ANKS1B: variants seen among roughly 807,000 people sequenced by gnomAD.
The protein encoded by ANKS1B is ankyrin repeat and sterile alpha motif domain-containing protein 1B.
ANKS1B carries 36 observed loss-of-function variants against 148.3 expected under a neutral mutation model. That is an observed-to-expected ratio of 0.24 (90% CI 0.19 to 0.32). The LOEUF is 0.32. ANKS1B is among the 10% of genes least tolerant of loss of function. The pLI, the probability that ANKS1B is intolerant of heterozygous loss-of-function variation, is 1.00. For missense variants in ANKS1B, 1,157 were observed against 1,542.6 expected, an observed-to-expected ratio of 0.75 and a Z score of 4.19; for synonymous variants, 542 against 560.8, an observed-to-expected ratio of 0.97 and a Z score of 0.47.
chr12:99,388,146 A>T (rs1009526239), intron 12 of ANKS1B, among the ~76,000 whole-genome samples: 5 of 152,178 alleles, frequency 3.3e-5, no homozygotes, highest in African/African-American at 1.2e-4. Context: ...AAATAAAAAT[A>T]AAAAAAGAAC....
chr12:99,259,909 T>C (rs1031187957), intron 12 of ANKS1B, among the ~76,000 whole-genome samples: 2 of 152,336 alleles, frequency 1.3e-5, no homozygotes, highest in East Asian at 1.9e-4. Flanking sequence ...GCTAGGAGTA[T>C]TTCCCATAGC....
chr12:99,557,188 G>T (rs949260503), intron 9 of ANKS1B, among the ~76,000 whole-genome samples: 2 of 152,070 alleles, frequency 1.3e-5, no homozygotes, highest in African/African-American at 4.8e-5. Context: ...GGGTTTCTCT[G>T]CATTTCCTGA....
chr12:99,637,802 T>TAATATATATAC (rs1347603841), intron 9 of ANKS1B, among the ~76,000 whole-genome samples: 3 of 146,962 alleles, frequency 2.0e-5, no homozygotes, highest in African/African-American at 7.4e-5. Context: ...TATATATATA[T>TAATATATATAC]AATATATATA....
chr12:99,883,341 A>G (rs1377711400), intron 1 of ANKS1B, among the ~76,000 whole-genome samples: 4 of 152,106 alleles, frequency 2.6e-5, no homozygotes, highest in African/African-American at 9.7e-5. Context: ...AAGCAAAAAA[A>G]CAAACAAACA....
chr12:98,949,391 G>A (rs536051801), intron 17 of ANKS1B, among the ~76,000 whole-genome samples: 11 of 152,206 alleles, frequency 7.2e-5, no homozygotes, highest in Admixed American at 5.9e-4. Context: ...ACCTAGTTAA[G>A]CAATGTTGCC....
chr12:99,038,135 A>G (rs1394556202), intron 17 of ANKS1B, among the ~76,000 whole-genome samples: 1 of 152,162 alleles, frequency 6.6e-6, no homozygotes, highest in Non-Finnish European at 1.5e-5. Flanking sequence ...TATCAGTAGA[A>G]TCATTTGTTT....
intron 25 of ANKS1B, among the ~76,000 whole-genome samples, chr12:98,772,150 G>A (rs992307891): frequency 6.6e-6 from 1 of 152,184 alleles, no homozygotes; most frequent in African/African-American, 2.4e-5. Flanking sequence ...TGTACTTGGT[G>A]TTATGAGTGG....
intron 17 of ANKS1B, among the ~76,000 whole-genome samples, chr12:98,905,267 A>G (rs768440215): frequency 1.2e-4 from 19 of 152,212 alleles, no homozygotes; most frequent in Admixed American, 7.2e-4. Context: ...GCAAGCTACT[A>G]TGAAGCTGGA....
intron 17 of ANKS1B, among the ~76,000 whole-genome samples, chr12:98,909,268 T>G (rs2099783548): frequency 6.6e-6 from 1 of 152,212 alleles, no homozygotes; most frequent in Non-Finnish European, 1.5e-5. Flanking sequence ...AACACTCAAA[T>G]GTTGAGGGCT....
At chr12:99,805,795 CAT>C (rs1004099552) in intron 4 of ANKS1B, among the ~76,000 whole-genome samples, 6 of 151,712 alleles carry the variant, frequency 4.0e-5, no homozygotes, top group Non-Finnish European at 7.4e-5. Flanking sequence ...TGTCCTTAGG[CAT>C]AGTGATCATT....
chr12:99,137,406 C>T (rs141825585), intron 15 of ANKS1B, among the ~76,000 whole-genome samples: 5 of 152,166 alleles, frequency 3.3e-5, no homozygotes, highest in Admixed American at 6.5e-5. Flanking sequence ...AGGTTCTGCA[C>T]GAGTAAGAGA....
chr12:99,101,218 G>A (rs926963062), intron 15 of ANKS1B, among the ~76,000 whole-genome samples: 1 of 152,150 alleles, frequency 6.6e-6, no homozygotes, highest in East Asian at 1.9e-4. Flanking sequence ...TGCCTGGAAG[G>A]GAGATGGCTG....
At chr12:99,831,762 T>A (rs550505550) in intron 1 of ANKS1B, among the ~76,000 whole-genome samples, 1 of 152,054 alleles carries the variant, frequency 6.6e-6, no homozygotes, top group African/African-American at 2.4e-5. Flanking sequence ...GAGGAGAAAG[T>A]CTACCAACAG....
At chr12:98,978,094 A>C (rs2099900729) in intron 17 of ANKS1B, among the ~76,000 whole-genome samples, 1 of 152,060 alleles carries the variant, frequency 6.6e-6, no homozygotes, top group Admixed American at 6.5e-5. Flanking sequence ...CAGAGACAGC[A>C]TATAGTTGGG....
At chr12:99,473,340 C>T (rs2096270826) in intron 10 of ANKS1B, among the ~76,000 whole-genome samples, 1 of 151,550 alleles carries the variant, frequency 6.6e-6, no homozygotes, top group South Asian at 2.1e-4. Flanking sequence ...TAAAATTTAT[C>T]TTTTGATTAT....
At chr12:98,772,953 C>T in intron 25 of ANKS1B, 89 bp downstream of exon 25, 1 of 1,456,002 alleles carries the variant, frequency 6.9e-7, no homozygotes, top group South Asian at 1.3e-5. Flanking sequence ...ACAAGCCAAG[C>T]TAGTGTGTTA....
intron 16 of ANKS1B, among the ~76,000 whole-genome samples, chr12:99,071,297 C>T (rs919186056): frequency 2.0e-5 from 3 of 152,214 alleles, no homozygotes; most frequent in Non-Finnish European, 4.4e-5. Context: ...ACAGAAATAT[C>T]TCACTTGAAT....
intron 8 of ANKS1B, among the ~76,000 whole-genome samples, chr12:99,682,198 T>C (rs898446125): frequency 6.6e-6 from 1 of 152,146 alleles, no homozygotes; most frequent in Non-Finnish European, 1.5e-5. Flanking sequence ...ACTAGACAGG[T>C]CATCAAGTTA....
intron 14 of ANKS1B, among the ~76,000 whole-genome samples, chr12:99,237,845 A>G (rs2088313706): frequency 6.6e-6 from 1 of 152,184 alleles, no homozygotes; most frequent in Non-Finnish European, 1.5e-5. Context: ...TCAAACACCT[A>G]GGCTCTAGCA....
Sources: allele counts gnomAD v4.1 joint callset (sites outside exome capture counted in the v4.1 genomes callset), GRCh38; gene constraint gnomAD v4.1.1; transcripts MANE v1.5; gene names NCBI Gene and HGNC (gene_info 2026-07-23, HGNC 2026-07-21).